TRAF3: variants seen among roughly 807,000 people sequenced by gnomAD.
TRAF3 encodes the protein TNF receptor-associated factor 3.
A neutral mutation model predicts 62.3 loss-of-function variants in TRAF3; 13 were observed. That is an observed-to-expected ratio of 0.21 (90% CI 0.14 to 0.33). TRAF3 has a LOEUF of 0.33. Among genes scored for constraint, TRAF3 ranks in the 10% least tolerant of loss-of-function variants. The pLI, the probability that TRAF3 is intolerant of heterozygous loss-of-function variation, is 1.00. For synonymous variants in TRAF3, 269 were observed against 283.4 expected (o/e 0.95, Z 0.51); for missense variants, 440 against 741.8 (o/e 0.59, Z 4.73).
intron 1 of TRAF3, among the ~76,000 whole-genome samples, chr14:102,809,507 A>G (rs911134302): frequency 1.5e-4 from 22 of 151,276 alleles, no homozygotes; most frequent in Non-Finnish European, 3.1e-4. Flanking sequence ...AAGCTTTATA[A>G]TAAAATCTTT....
chr14:102,858,402 C>T (rs1236352006), intron 2 of TRAF3, among the ~76,000 whole-genome samples: 1 of 152,194 alleles, frequency 6.6e-6, no homozygotes, highest in Non-Finnish European at 1.5e-5. Flanking sequence ...ATCCACCCAC[C>T]TCGGCCTCCC....
intron 3 of TRAF3, among the ~76,000 whole-genome samples, 197 bp downstream of exon 3, chr14:102,870,643 C>T (rs1392485279): frequency 6.6e-6 from 1 of 152,176 alleles, no homozygotes; most frequent in African/African-American, 2.4e-5. Flanking sequence ...GAGGCCTCTG[C>T]GTGTCTCTGA....
chr14:102,904,064 G>T (rs1890451880), intron 11 of TRAF3, among the ~76,000 whole-genome samples: 1 of 152,174 alleles, frequency 6.6e-6, no homozygotes, highest in African/African-American at 2.4e-5. Context: ...GGGAGGAGTG[G>T]GGAGAGCACA....
intron 10 of TRAF3, among the ~76,000 whole-genome samples, chr14:102,902,036 TC>T (rs1890330439): frequency 6.6e-6 from 1 of 152,228 alleles, no homozygotes; most frequent in Admixed American, 6.5e-5. Flanking sequence ...AGGTGGACAC[TC>T]CAGCCCCTTA....
chr14:102,892,515 G>A (rs1566802596), intron 9 of TRAF3, among the ~76,000 whole-genome samples: 2 of 152,210 alleles, frequency 1.3e-5, no homozygotes, highest in Admixed American at 1.3e-4. Flanking sequence ...AGAATGGATA[G>A]AGAAGAAGTT....
chr14:102,790,059 C>T (rs1377446718), intron 1 of TRAF3, among the ~76,000 whole-genome samples: 2 of 152,096 alleles, frequency 1.3e-5, no homozygotes, highest in Non-Finnish European at 2.9e-5. Flanking sequence ...AACCCCTGGC[C>T]TCAAGTGATC....
chr14:102,887,625 C>T (rs1222177122), intron 7 of TRAF3, among the ~76,000 whole-genome samples: 3 of 151,466 alleles, frequency 2.0e-5, no homozygotes, highest in African/African-American at 7.3e-5. Context: ...GACGGAGTCT[C>T]GCTCTGTCAC....
intron 7 of TRAF3, among the ~76,000 whole-genome samples, chr14:102,887,927 G>C (rs541468099): frequency 6.6e-6 from 1 of 152,076 alleles, no homozygotes; most frequent in Admixed American, 6.6e-5. Context: ...TGTTAAACCT[G>C]CATTTCTGTT....
intron 3 of TRAF3, among the ~76,000 whole-genome samples, chr14:102,871,507 A>G (rs1466564065): frequency 6.6e-6 from 1 of 152,206 alleles, no homozygotes; most frequent in Non-Finnish European, 1.5e-5. Context: ...CTTCCAATAG[A>G]CAGTGAAGCC....
At chr14:102,863,350 G>A (rs188224159) in intron 2 of TRAF3, among the ~76,000 whole-genome samples, 229 of 152,236 alleles carry the variant, frequency 1.5e-3, no homozygotes, top group Admixed American at 2.9e-3. Flanking sequence ...ATCATGTGTG[G>A]CCTCTGAGTT....
chr14:102,850,538 A>C (rs1311044204), intron 2 of TRAF3, among the ~76,000 whole-genome samples: 1 of 151,934 alleles, frequency 6.6e-6, no homozygotes, highest in Non-Finnish European at 1.5e-5. Context: ...CTCTACTAAA[A>C]ATACAAATAG....
intron 6 of TRAF3, among the ~76,000 whole-genome samples, chr14:102,881,579 G>A (rs1889070809): frequency 2.0e-5 from 3 of 151,992 alleles, no homozygotes. Flanking sequence ...CACACGCAGG[G>A]GCCTGTGGGG....
chr14:102,863,585 C>T (rs1001101822), intron 2 of TRAF3, among the ~76,000 whole-genome samples: 29 of 152,170 alleles, frequency 1.9e-4, no homozygotes, highest in African/African-American at 6.5e-4. Flanking sequence ...TCAGGTCTTT[C>T]CTGAACATGT....
intron 1 of TRAF3, among the ~76,000 whole-genome samples, chr14:102,787,578 C>T (rs1053771064): frequency 6.6e-6 from 1 of 151,704 alleles, no homozygotes; most frequent in African/African-American, 2.4e-5. Flanking sequence ...TCCCAGCAAC[C>T]TGGGAGGCTG....
chr14:102,780,410 G>C (rs927690443), intron 1 of TRAF3, among the ~76,000 whole-genome samples: 1 of 151,948 alleles, frequency 6.6e-6, no homozygotes, highest in African/African-American at 2.4e-5. Flanking sequence ...TTTCTCATTT[G>C]AGAAAGCCTT....
intron 9 of TRAF3, among the ~76,000 whole-genome samples, chr14:102,893,939 A>T (rs1276103908): frequency 2.0e-5 from 3 of 152,154 alleles, no homozygotes; most frequent in Non-Finnish European, 4.4e-5. Flanking sequence ...TTAAAATGGG[A>T]ATTTATTTCT....
chr14:102,866,892 C>A (rs7158901), intron 2 of TRAF3, among the ~76,000 whole-genome samples: 3 of 146,486 alleles, frequency 2.0e-5, no homozygotes, highest in Non-Finnish European at 4.5e-5. Flanking sequence ...CACACACACA[C>A]AAAACAATGA....
intron 1 of TRAF3, among the ~76,000 whole-genome samples, chr14:102,802,567 G>A (rs1227293122): frequency 1.3e-5 from 2 of 150,440 alleles, no homozygotes; most frequent in Non-Finnish European, 3.0e-5. Context: ...GGTGGCTCAC[G>A]CCTGTAATCC....
intron 11 of TRAF3, 140 bp from the exon 12 acceptor site, chr14:102,905,073 C>T: frequency 2.3e-6 from 2 of 868,838 alleles, no homozygotes; most frequent in South Asian, 2.9e-5. Flanking sequence ...GATGGTGCCA[C>T]TGCACTCCAG....
Sources: allele counts gnomAD v4.1 joint callset (sites outside exome capture counted in the v4.1 genomes callset), GRCh38; gene constraint gnomAD v4.1.1; transcripts MANE v1.5; gene names NCBI Gene and HGNC (gene_info 2026-07-23, HGNC 2026-07-21).